Variants in MRPL22 observed in about 807,000 individuals in gnomAD.
MRPL22 encodes the protein large ribosomal subunit protein uL22m.
Under a neutral mutation model 32.4 loss-of-function variants are expected in MRPL22, and 27 were observed. The observed-to-expected ratio is 0.83, with a 90% CI of 0.61 to 1.15. The LOEUF is 1.15. MRPL22 is among the 50% of genes most tolerant of loss of function. The pLI is 0.00. For synonymous variants in MRPL22, 86 were observed against 87.3 expected (o/e 0.99, Z 0.08); for missense variants, 239 against 260.2 (o/e 0.92, Z 0.56).
At chr5:154,951,027 A>T in intron 3 of MRPL22, 89 bp downstream of exon 3, 1 of 845,408 alleles carries the variant, frequency 1.2e-6, no homozygotes, top group Non-Finnish European at 1.9e-6. Flanking sequence ...TGTGTTAAAA[A>T]AATTATACAA....
chr5:154,950,482 A>G (rs1361302569), intron 2 of MRPL22, among the ~76,000 whole-genome samples: 14 of 152,216 alleles, frequency 9.2e-5, no homozygotes, highest in Non-Finnish European at 2.9e-5. Flanking sequence ...CTTACAGGTC[A>G]GATCAGAGAG....
chr5:154,943,760 G>A (rs1359847225), intron 2 of MRPL22, among the ~76,000 whole-genome samples: 4 of 151,360 alleles, frequency 2.6e-5, no homozygotes, highest in Non-Finnish European at 4.4e-5. Context: ...CTGCAGCCTC[G>A]ATTCAAGCCA....
Position 154,960,103 on chromosome 5 carries a change from G to GT in MRPL22, c.409+60dup, listed in dbSNP as rs1297803676. 1.6e-5 allele frequency: 21 copies of GT among 1,273,602 alleles called. No homozygotes were observed. The East Asian group carries it at 2.3e-4, about 14-fold the overall frequency. The allele number at this position is 1,273,602 out of a possible 1,614,324, so 78.9% of individuals were successfully genotyped here. ...AAAATGTCTTCAGTAGTAATGCCATGTTTTTTATCTAACAACAGTCTTTAA... is the reference window on the plus strand; with the variant it reads ...AAAATGTCTTCAGTAGTAATGCCATGTTTTTTTATCTAACAACAGTCTTTAA... On this transcript the variant is annotated intron_variant, in intron 6 of 6. Coordinates refer to ENST00000523037, the MANE Select transcript of MRPL22 (RefSeq NM_014180.4).
intron 2 of MRPL22, among the ~76,000 whole-genome samples, chr5:154,941,856 G>A (rs1490970758): frequency 6.6e-6 from 1 of 152,132 alleles, no homozygotes; most frequent in East Asian, 1.9e-4. Context: ...GTAAGTAGTC[G>A]CTGTATTTCT....
intron 2 of MRPL22, among the ~76,000 whole-genome samples, chr5:154,946,052 CATT>C (rs1225533065): frequency 6.6e-6 from 1 of 152,144 alleles, no homozygotes; most frequent in Non-Finnish European, 1.5e-5. Flanking sequence ...AAAGCTTTGA[CATT>C]ATTAATTCAT....
intron 6 of MRPL22, among the ~76,000 whole-genome samples, chr5:154,966,449 A>C (rs1485938421): frequency 6.6e-6 from 1 of 152,142 alleles, no homozygotes; most frequent in Non-Finnish European, 1.5e-5. Context: ...CAGAATGTAA[A>C]CTGCTTGGAG....
rs1485044971 is a variant in MRPL22, at chr5:154,967,088, T to G, written c.*191T>G. ...GCCTCTGGGCATATTTGTATGCATT[T>G]GCGACTTGGAAGGGGAAATCAGCTT... On this transcript the variant is annotated 3_prime_UTR_variant, in exon 7 of 7. Transcript: ENST00000523037. The surrounding 1 kb of genome is among the most constrained non-coding windows in gnomAD (Gnocchi z 4.7). The G allele has an allele frequency of 4.6e-6, 3 of 656,498 alleles. No homozygotes were observed. The highest frequency in any genetic ancestry group is 5.0e-6 in the Non-Finnish European group (2 of 397,414). 40.7% of individuals were successfully genotyped at this position (656,498 alleles called of 1,614,324 possible). A position where few individuals can be genotyped will look rare whatever the true frequency, so the allele number is the denominator to read the frequency against.
intron 3 of MRPL22, 40 bp downstream of exon 3, chr5:154,950,978 T>C: frequency 7.9e-7 from 1 of 1,266,026 alleles, no homozygotes; most frequent in Non-Finnish European, 1.1e-6. Context: ...ATTGTGGTAG[T>C]GCTCTTACTC....
chr5:154,947,661 T>C (rs777589376), intron 2 of MRPL22, among the ~76,000 whole-genome samples: 2 of 152,234 alleles, frequency 1.3e-5, no homozygotes, highest in South Asian at 4.1e-4. Context: ...TACCAGACAT[T>C]GTTCTTGGTG....
At chr5:154,955,238 G>C (rs1033385985) in intron 3 of MRPL22, 3 of 152,076 alleles carry the variant, frequency 2.0e-5, no homozygotes, top group Non-Finnish European at 4.4e-5. Context: ...ATAGTTTCAG[G>C]CTGTCTGCTT....
chr5:154,945,214 G>C (rs1393771172), intron 2 of MRPL22, among the ~76,000 whole-genome samples: 1 of 152,156 alleles, frequency 6.6e-6, no homozygotes, highest in Non-Finnish European at 1.5e-5. Flanking sequence ...GGGTGGCCGT[G>C]AAGGTAAGTG....
At chr5:154,947,915 GATA>G (rs142459148) in intron 2 of MRPL22, among the ~76,000 whole-genome samples, 17 of 152,314 alleles carry the variant, frequency 1.1e-4, no homozygotes, top group African/African-American at 4.1e-4. Context: ...TCATTCAGGA[GATA>G]ATAAGACGAG....
intron 5 of MRPL22, among the ~76,000 whole-genome samples, chr5:154,958,332 A>G (rs1764658126): frequency 6.6e-6 from 1 of 152,064 alleles, no homozygotes; most frequent in Admixed American, 6.6e-5. Context: ...ACCAAAAGTC[A>G]GTTCATACCT....
intron 2 of MRPL22, among the ~76,000 whole-genome samples, chr5:154,945,598 C>G (rs566719927): frequency 6.6e-6 from 1 of 152,266 alleles, no homozygotes; most frequent in East Asian, 1.9e-4. Context: ...TAGAAAGAGT[C>G]CGAGGATTGA....
At chr5:154,955,763 A>C (rs992625552) in intron 3 of MRPL22, 5 of 152,794 alleles carry the variant, frequency 3.3e-5, no homozygotes. Flanking sequence ...CAAGCACTAT[A>C]AAATGGTTTC....
At chr5:154,954,840 G>A (rs1764610489) in intron 3 of MRPL22, among the ~76,000 whole-genome samples, 3 of 152,106 alleles carry the variant, frequency 2.0e-5, no homozygotes, top group Admixed American at 2.0e-4. Context: ...CGCCCAGGCT[G>A]GAGTGCAGTG....
At chr5:154,953,635 A>T (rs1029868298) in intron 3 of MRPL22, among the ~76,000 whole-genome samples, 62 of 151,696 alleles carry the variant, frequency 4.1e-4, no homozygotes, top group Non-Finnish European at 7.9e-4. Flanking sequence ...CATACTGATA[A>T]TAATACCTTA....
intron 5 of MRPL22, among the ~76,000 whole-genome samples, chr5:154,958,472 C>A (rs1450811580): frequency 2.1e-5 from 3 of 144,432 alleles, no homozygotes; most frequent in African/African-American, 7.4e-5. Context: ...GTGTACCCAG[C>A]CTTGTACTAC....
chr5:154,950,373 G>T (rs1764544304), intron 2 of MRPL22, among the ~76,000 whole-genome samples: 1 of 152,188 alleles, frequency 6.6e-6, no homozygotes, highest in African/African-American at 2.4e-5. Flanking sequence ...AGTCACCTCT[G>T]AAATCCTCTG....
Sources: gnomAD v4.1 joint callset for allele counts (sites outside exome capture counted in the v4.1 genomes callset) on GRCh38, gnomAD v4.1.1 for gene constraint, Gnocchi (gnomAD v3.1) non-coding constraint, MANE v1.5 for transcripts, NCBI Gene and HGNC (gene_info 2026-07-23, HGNC 2026-07-21) for gene names.